The following PLCB1 variants were observed in gnomAD, a reference collection of about 807,000 sequenced individuals.
PLCB1 encodes the protein phospholipase C beta 1, also known as 1-phosphatidylinositol 4,5-bisphosphate phosphodiesterase beta-1.
In PLCB1, 46 loss-of-function variants were observed where a neutral mutation model predicts 161.8. The observed-to-expected ratio is 0.28, with a 90% confidence interval of 0.22 to 0.36. PLCB1 has a LOEUF of 0.36. PLCB1 is among the 10% of genes least tolerant of loss of function. The pLI is 1.00. For missense variants in PLCB1, 1,016 were observed against 1,472.5 expected (o/e 0.69, Z 5.07); for synonymous variants, 517 against 503.7 (o/e 1.03, Z -0.35).
intron 1 of PLCB1, chr20:8,142,028 G>A (rs2051409712): frequency 6.6e-6 from 1 of 152,224 alleles, no homozygotes; most frequent in Admixed American, 6.5e-5. Context: ...ACTTGTGCAG[G>A]GAGGTAGATA....
At chr20:8,318,187 C>A (rs931102448) in intron 2 of PLCB1, among the ~76,000 whole-genome samples, 1 of 152,056 alleles carries the variant, frequency 6.6e-6, no homozygotes, top group Non-Finnish European at 1.5e-5. Flanking sequence ...AATTTTTAGA[C>A]AGTGTATGAT....
chr20:8,794,929 C>T (rs1186706760), intron 31 of PLCB1, among the ~76,000 whole-genome samples: 9 of 152,188 alleles, frequency 5.9e-5, no homozygotes, highest in Non-Finnish European at 1.5e-5. Context: ...GAGCAAACTA[C>T]ACATGAAACC....
At chr20:8,161,195 T>A (rs1031720289) in intron 2 of PLCB1, among the ~76,000 whole-genome samples, 1 of 152,110 alleles carries the variant, frequency 6.6e-6, no homozygotes, top group African/African-American at 2.4e-5. Flanking sequence ...GTAGCATAGG[T>A]ATACTTATAG....
At chr20:8,490,687 C>T (rs1382177240) in intron 3 of PLCB1, among the ~76,000 whole-genome samples, 1 of 152,088 alleles carries the variant, frequency 6.6e-6, no homozygotes, top group Non-Finnish European at 1.5e-5. Flanking sequence ...AGTGATATTG[C>T]AGTATGGTTT....
intron 2 of PLCB1, among the ~76,000 whole-genome samples, chr20:8,267,487 G>T (rs970072216): frequency 6.6e-6 from 1 of 152,108 alleles, no homozygotes; most frequent in East Asian, 1.9e-4. Context: ...GCCTTACTCA[G>T]CTCTGCCTCA....
At chr20:8,863,730 G>A (rs1303035237) in intron 31 of PLCB1, among the ~76,000 whole-genome samples, 1 of 152,176 alleles carries the variant, frequency 6.6e-6, no homozygotes, top group Non-Finnish European at 1.5e-5. Context: ...AAAATGTTAA[G>A]AGGCCTTGAT....
intron 3 of PLCB1, among the ~76,000 whole-genome samples, chr20:8,523,405 TG>T (rs1984429229): frequency 1.9e-5 from 2 of 105,428 alleles, no homozygotes; most frequent in East Asian, 2.1e-4. Context: ...AATATGTGTG[TG>T]TGTGTGTGTG....
At chr20:8,613,127 G>A (rs987328376) in intron 3 of PLCB1, among the ~76,000 whole-genome samples, 13 of 152,086 alleles carry the variant, frequency 8.5e-5, no homozygotes, top group Admixed American at 7.2e-4. Context: ...TTATTTAAAA[G>A]AAAAAATAAT....
chr20:8,796,153 C>T (rs1984016483), intron 31 of PLCB1, among the ~76,000 whole-genome samples: 1 of 152,114 alleles, frequency 6.6e-6, no homozygotes, highest in South Asian at 2.1e-4. Flanking sequence ...AGAGAGAATT[C>T]CGGGAAGCTT....
At chr20:8,213,754 A>G (rs1004617376) in intron 2 of PLCB1, among the ~76,000 whole-genome samples, 17 of 151,864 alleles carry the variant, frequency 1.1e-4, no homozygotes, top group African/African-American at 4.1e-4. Flanking sequence ...ACAAATTGTC[A>G]TGAAATATAA....
chr20:8,613,600 T>G (rs1349612266), intron 3 of PLCB1, among the ~76,000 whole-genome samples: 3 of 152,200 alleles, frequency 2.0e-5, no homozygotes, highest in African/African-American at 7.2e-5. Flanking sequence ...ATGTATAGAT[T>G]GAAAAGAAAC....
chr20:8,251,647 T>G (rs533320001), intron 2 of PLCB1, among the ~76,000 whole-genome samples: 1 of 152,094 alleles, frequency 6.6e-6, no homozygotes, highest in Non-Finnish European at 1.5e-5. Flanking sequence ...ATTTTCTTCC[T>G]GCTGGTTATT....
chr20:8,512,992 C>T (rs193001665), intron 3 of PLCB1, among the ~76,000 whole-genome samples: 1 of 152,270 alleles, frequency 6.6e-6, no homozygotes, highest in African/African-American at 2.4e-5. Flanking sequence ...CTACTTCCTA[C>T]CTCTACGAGT....
intron 14 of PLCB1, 78 bp downstream of exon 14, chr20:8,717,926 C>T (rs1979417730): frequency 2.3e-6 from 3 of 1,296,060 alleles, no homozygotes; most frequent in Non-Finnish European, 2.1e-6. Context: ...CGTGGTGGCT[C>T]ATGCCTGTAA....
At chr20:8,196,605 T>G (rs1016422460) in intron 2 of PLCB1, among the ~76,000 whole-genome samples, 4 of 151,396 alleles carry the variant, frequency 2.6e-5, no homozygotes, top group Non-Finnish European at 4.4e-5. Flanking sequence ...TCTTTGATGG[T>G]CAAGTACTCC....
intron 3 of PLCB1, among the ~76,000 whole-genome samples, chr20:8,486,481 A>ATTTTTTTT (rs71183092): frequency 3.5e-5 from 3 of 85,810 alleles, no homozygotes; most frequent in Non-Finnish European, 6.5e-5. Context: ...ATTCCAAAAT[A>ATTTTTTTT]TTTTTTTTTT....
intron 2 of PLCB1, among the ~76,000 whole-genome samples, chr20:8,203,294 G>T (rs1213820587): frequency 6.6e-6 from 1 of 152,120 alleles, no homozygotes; most frequent in Non-Finnish European, 1.5e-5. Context: ...AAATAAGGAA[G>T]AGGAAGAAGC....
intron 31 of PLCB1, among the ~76,000 whole-genome samples, chr20:8,819,037 CA>C (rs1236297934): frequency 6.6e-6 from 1 of 151,826 alleles, no homozygotes; most frequent in Non-Finnish European, 1.5e-5. Context: ...AAGCTGATTC[CA>C]AAATTTTTAT....
At chr20:8,624,679 G>T (rs1267949032) in intron 3 of PLCB1, among the ~76,000 whole-genome samples, 1 of 152,066 alleles carries the variant, frequency 6.6e-6, no homozygotes, top group African/African-American at 2.4e-5. Flanking sequence ...CCTGAAAATG[G>T]GAATCATTAA....
Sources: gnomAD v4.1 joint callset for allele counts (sites outside exome capture counted in the v4.1 genomes callset) on GRCh38, gnomAD v4.1.1 for gene constraint, MANE v1.5 for transcripts, NCBI Gene and HGNC (gene_info 2026-07-23, HGNC 2026-07-21) for gene names.